Variants in BIK observed in about 807,000 individuals in gnomAD.
BIK encodes bcl-2-interacting killer.
Under a neutral mutation model 12.1 loss-of-function variants are expected in BIK, and 14 were observed. The observed-to-expected ratio is 1.16, with a 90% CI of 0.77 to 1.81. BIK has a LOEUF of 1.81. Among genes scored for constraint, BIK ranks in the 40% most tolerant of loss-of-function variants. The pLI is 0.00. For missense variants in BIK, 215 were observed against 207.9 expected, an observed-to-expected ratio of 1.03 and a Z score of -0.21; for synonymous variants, 86 against 92.3, an observed-to-expected ratio of 0.93 and a Z score of 0.39.
chr22:43,123,030 C>T (rs1044676753), intron 1 of BIK, among the ~76,000 whole-genome samples: 2 of 152,082 alleles, frequency 1.3e-5, no homozygotes, highest in African/African-American at 2.4e-5. Context: ...AGGGCCACCC[C>T]GAAGAAAATT....
At chr22:43,114,630 A>G (rs1309572102) in intron 1 of BIK, among the ~76,000 whole-genome samples, 1 of 152,086 alleles carries the variant, frequency 6.6e-6, no homozygotes, top group African/African-American at 2.4e-5. Context: ...GTGTGACAGT[A>G]TCTTCGAGAT....
chr22:43,112,966 G>A lies in BIK; in HGVS notation c.-8+2163G>A, dbSNP rs1362028313. Among the ~76,000 whole-genome samples the A allele has an allele frequency of 2.0e-5, 3 of 152,352 alleles. No homozygotes were observed. The East Asian group carries it at 5.8e-4, about 29-fold the overall frequency. ...CATTTGTAATCCTAGCACTTTGGGA[G>A]GCCGAGGGAGATGGATCACCTGAGG... On this transcript the variant is annotated intron_variant, in intron 1 of 4. Coordinates refer to ENST00000216115, the MANE Select transcript of BIK (RefSeq NM_001197.5).
intron 1 of BIK, among the ~76,000 whole-genome samples, chr22:43,116,979 T>C (rs1930127000): frequency 6.6e-6 from 1 of 152,164 alleles, no homozygotes; most frequent in African/African-American, 2.4e-5. Context: ...CAGGGGAATC[T>C]TGGGGGGAGC....
chr22:43,127,048 G>A (rs1286836080), intron 2 of BIK, among the ~76,000 whole-genome samples: 2 of 152,248 alleles, frequency 1.3e-5, no homozygotes, highest in Middle Eastern at 6.8e-3. Flanking sequence ...CAGGTCCCTG[G>A]TAGAGGCCCA....
chr22:43,112,797 C>T (rs1930036916), intron 1 of BIK, among the ~76,000 whole-genome samples: 1 of 152,060 alleles, frequency 6.6e-6, no homozygotes, highest in Non-Finnish European at 1.5e-5. Context: ...CCTAGCTACG[C>T]AGGAGGCTGA....
intron 1 of BIK, among the ~76,000 whole-genome samples, chr22:43,114,609 A>G (rs1485481759): frequency 6.6e-6 from 1 of 152,088 alleles, no homozygotes; most frequent in African/African-American, 2.4e-5. Flanking sequence ...CCAAGAGATG[A>G]CATTTATTGT....
At chr22:43,129,065 C>T (rs964545881) in intron 4 of BIK, 148 bp from the exon 5 acceptor site, 3 of 1,415,000 alleles carry the variant, frequency 2.1e-6, no homozygotes, top group Non-Finnish European at 9.7e-7. Context: ...CACTTTCCCC[C>T]TCTCCTGAAC....
In BIK at chr22:43,111,731, C is replaced by T. The variant is rs1384723898; in HGVS notation, c.-8+928C>T. On this transcript the variant is annotated intron_variant, in intron 1 of 4. Coordinates refer to ENST00000216115, the MANE Select transcript of BIK (RefSeq NM_001197.5). ...TGTTGCTGTTTTAACGCAGTGTTTA[C>T]TGTGGTCTGGGAGCCCGAGCTTCCC... 3.3e-5 allele frequency among the ~76,000 whole-genome samples: 5 copies of T among 152,304 alleles called. No individual in the cohort carries two copies. The East Asian group carries it at 9.6e-4, about 29-fold the overall frequency.
chr22:43,128,687 G>A (rs906261080), intron 4 of BIK, 62 bp downstream of exon 4: 12 of 1,542,754 alleles, frequency 7.8e-6, no homozygotes, highest in African/African-American at 2.8e-5. Context: ...TGTCAGAGCC[G>A]CTCCTTGGGG....
At chr22:43,114,562 A>C (rs1257158706) in intron 1 of BIK, among the ~76,000 whole-genome samples, 1 of 152,132 alleles carries the variant, frequency 6.6e-6, no homozygotes, top group Non-Finnish European at 1.5e-5. Context: ...CAGCCTCCCA[A>C]AGTGCTGGGA....
intron 1 of BIK, among the ~76,000 whole-genome samples, chr22:43,111,567 T>C (rs1480050059): frequency 6.6e-6 from 1 of 152,158 alleles, no homozygotes; most frequent in Admixed American, 6.5e-5. Context: ...GGTTCGGAGC[T>C]GGTCGTCGTC....
intron 4 of BIK, 29 bp from the exon 5 acceptor site, chr22:43,129,184 A>G (rs1392084523): frequency 1.2e-6 from 2 of 1,602,024 alleles, no homozygotes; most frequent in Non-Finnish European, 1.7e-6. Flanking sequence ...GCCTGCCCCG[A>G]GCCTGACTCC....
intron 1 of BIK, among the ~76,000 whole-genome samples, chr22:43,123,171 T>C (rs1930249976): frequency 6.6e-6 from 1 of 152,064 alleles, no homozygotes; most frequent in Non-Finnish European, 1.5e-5. Flanking sequence ...TGCGCACAAG[T>C]GTTTAGGAAA....
At position 43,128,848 on chromosome 22, in the gene BIK, C is replaced by G. The variant is rs4988439; in HGVS notation, c.390+223C>G. ...CTCCCTCTGGTCCGAGAGCCTTCAC[C>G]TGGCAGGCAGGACTCCCGTCTCCTG... On this transcript the variant is annotated intron_variant, in intron 4 of 4. Transcript: ENST00000216115. Among the ~76,000 whole-genome samples, 13 of 152,358 alleles carry G rather than the reference C, an allele frequency of 8.5e-5. No individual in the cohort carries two copies. The East Asian group carries it at 1.5e-3, about 18-fold the overall frequency.
intron 1 of BIK, among the ~76,000 whole-genome samples, chr22:43,120,990 C>T (rs941160823): frequency 6.6e-6 from 1 of 152,106 alleles, no homozygotes; most frequent in African/African-American, 2.4e-5. Context: ...GCCTGGCCAA[C>T]ATGGTAAAAC....
chr22:43,111,875 A>G (rs769976082), intron 1 of BIK, among the ~76,000 whole-genome samples: 1 of 152,124 alleles, frequency 6.6e-6, no homozygotes, highest in Non-Finnish European at 1.5e-5. Context: ...CTCATCTTCC[A>G]GGTGGAGAAA....
intron 3 of BIK, among the ~76,000 whole-genome samples, chr22:43,128,249 C>T (rs1216295367): frequency 2.6e-5 from 4 of 152,296 alleles, no homozygotes; most frequent in African/African-American, 7.2e-5. Flanking sequence ...CAGGGCCAAA[C>T]ACCCGGTGGG....
At chr22:43,122,742 G>T (rs1469086811) in intron 1 of BIK, among the ~76,000 whole-genome samples, 1 of 152,150 alleles carries the variant, frequency 6.6e-6, no homozygotes, top group Admixed American at 6.6e-5. Flanking sequence ...ACACATTTGG[G>T]TTCATTTTTC....
At chr22:43,113,537 A>G (rs1227863477) in intron 1 of BIK, among the ~76,000 whole-genome samples, 1 of 151,956 alleles carries the variant, frequency 6.6e-6, no homozygotes, top group Non-Finnish European at 1.5e-5. Flanking sequence ...GGCTAACGTG[A>G]GACTCCATCT....
Sources: allele counts gnomAD v4.1 joint callset (sites outside exome capture counted in the v4.1 genomes callset), GRCh38; gene constraint gnomAD v4.1.1; transcripts MANE v1.5; gene names NCBI Gene and HGNC (gene_info 2026-07-23, HGNC 2026-07-21).